Variants in CPB1 observed in about 807,000 individuals in gnomAD.
The protein encoded by CPB1 is carboxypeptidase B1, also known as carboxypeptidase B.
A neutral mutation model predicts 51.4 loss-of-function variants in CPB1; 53 were observed. The observed-to-expected ratio is 1.03, with a 90% CI of 0.83 to 1.30. The LOEUF is 1.30. CPB1 is among the 50% of genes most tolerant of loss of function. The pLI is 0.00. For synonymous variants in CPB1, 189 were observed against 186.9 expected (o/e 1.01, Z -0.09); for missense variants, 494 against 516.2 (o/e 0.96, Z 0.42).
At chr3:148,836,586 T>C (rs1163080261) in intron 3 of CPB1, among the ~76,000 whole-genome samples, 3 of 152,232 alleles carry the variant, frequency 2.0e-5, no homozygotes, top group Admixed American at 1.3e-4. Context: ...CTTTCTTTTT[T>C]AGTGGTGAAC....
intron 8 of CPB1, among the ~76,000 whole-genome samples, 184 bp from the exon 9 acceptor site, chr3:148,845,240 C>T (rs1713199220): frequency 6.6e-6 from 1 of 152,076 alleles, no homozygotes; most frequent in African/African-American, 2.4e-5. Context: ...AGCTTAAAAA[C>T]ATACCATCCT....
At chr3:148,836,398 C>T (rs1448831196) in intron 3 of CPB1, among the ~76,000 whole-genome samples, 1 of 152,064 alleles carries the variant, frequency 6.6e-6, no homozygotes, top group Non-Finnish European at 1.5e-5. Context: ...GTCCTTGGAG[C>T]CTTCAGTAGC....
chr3:148,851,842 G>C (rs920842247), intron 9 of CPB1: 2 of 152,238 alleles, frequency 1.3e-5, no homozygotes, highest in African/African-American at 4.8e-5. Context: ...GGTTGTGTAG[G>C]CACTTGAATG....
At chr3:148,856,372 A>G (rs1291970402) in intron 9 of CPB1, 3 of 152,230 alleles carry the variant, frequency 2.0e-5, no homozygotes, top group East Asian at 1.9e-4. Context: ...CCACGCCCTC[A>G]TCAGTTTGAC....
intron 2 of CPB1, among the ~76,000 whole-genome samples, chr3:148,833,150 C>T (rs1396383407): frequency 2.6e-5 from 4 of 152,192 alleles, no homozygotes; most frequent in Admixed American, 2.0e-4. Context: ...TATACTTCCT[C>T]ACTTCATTTA....
rs747268326 is a variant in CPB1 at position 148,840,926 on chromosome 3, G to T, written c.425G>T (p.Arg142Leu). The change falls in exon 5 of 11, where the codon CGC becomes CTC. Residue 142 changes from arginine (R) to leucine (L), a missense_variant. Coordinates refer to ENST00000282957, the MANE Select transcript of CPB1 (RefSeq NM_001871.3). ...VATENPALIS[R>L]SVIGTTFEGR... is the part of the protein sequence containing the mutation. The stretch of plus-strand genomic sequence containing the variant: ...ACTGAGAATCCAGCCCTCATCTCTC[G>T]CAGTGTTATCGGAACCACATTTGAG... 2 of 1,613,858 alleles carry T rather than the reference G, an allele frequency of 1.2e-6. No individual in the cohort carries two copies. Among genetic ancestry groups the T allele is most frequent in the Admixed American group, 1.7e-5 (1 of 59,982 alleles).
chr3:148,848,962 T>G (rs1425914520), intron 9 of CPB1, among the ~76,000 whole-genome samples: 1 of 152,214 alleles, frequency 6.6e-6, no homozygotes, highest in South Asian at 2.1e-4. Context: ...CAAAGTGCAC[T>G]CTGAGCTTCT....
intron 9 of CPB1, chr3:148,856,360 G>T (rs931085777): frequency 6.6e-6 from 1 of 152,086 alleles, no homozygotes; most frequent in African/African-American, 2.4e-5. Context: ...GAAGTCTTAC[G>T]GCCACGCCCT....
chr3:148,845,616 A>G lies in CPB1; in HGVS notation c.971A>G (p.Asn324Ser). 2 of 1,613,010 alleles carry G rather than the reference A, an allele frequency of 1.2e-6. No homozygotes were observed. Among genetic ancestry groups the G allele is most frequent in the Non-Finnish European group, 1.7e-6 (2 of 1,179,008 alleles). The change falls in exon 9 of 11, where the codon AAT becomes AGT. Residue 324 changes from asparagine (N) to serine (S), a missense_variant. By Grantham distance (46) the Asn-to-Ser change is conservative. Coordinates refer to ENST00000282957, the MANE Select transcript of CPB1 (RefSeq NM_001871.3). ...YSYAYKLGEN[N>S]AELNALAKAT... ...TATGCTTACAAACTCGGTGAGAACA[A>G]TGCTGAGTTGGTAAGTAGCAAAGTA...
intron 9 of CPB1, among the ~76,000 whole-genome samples, chr3:148,847,929 G>A (rs1713304841): frequency 6.6e-6 from 1 of 152,038 alleles, no homozygotes; most frequent in South Asian, 2.1e-4. Context: ...TTTCTCTATT[G>A]ATTAAGCTTT....
At chr3:148,858,190 A>G (rs1713641252) in intron 10 of CPB1, among the ~76,000 whole-genome samples, 1 of 152,198 alleles carries the variant, frequency 6.6e-6, no homozygotes, top group South Asian at 2.1e-4. Flanking sequence ...CCCAAAGACC[A>G]ACCAACCCCA....
rs369943964 is a variant in CPB1, at chr3:148,827,899, G to C, written c.71+5G>C. On this transcript the variant is annotated splice_donor_5th_base_variant and intron_variant, in intron 1 of 10. Coordinates refer to ENST00000282957, the MANE Select transcript of CPB1 (RefSeq NM_001871.3). The stretch of plus-strand genomic sequence containing the variant: ...TGGTGGTGAGCACTTTGAAGGGTAA[G>C]TAAGCCATCTTTAAGGAGCAAGTCC... The C allele has an allele frequency of 9.9e-6, 16 of 1,614,114 alleles. No homozygotes were observed. The highest frequency in any genetic ancestry group is 1.4e-5 in the Non-Finnish European group (16 of 1,179,988).
chr3:148,852,169 CAT>C (rs1559961417), intron 9 of CPB1, among the ~76,000 whole-genome samples: 1 of 152,194 alleles, frequency 6.6e-6, no homozygotes, highest in Non-Finnish European at 1.5e-5. Flanking sequence ...AAGGCATTCT[CAT>C]AGCACCTTTA....
chr3:148,857,593 C>A (rs35811007), intron 10 of CPB1, 52 bp downstream of exon 10: 3 of 1,406,238 alleles, frequency 2.1e-6, no homozygotes, highest in East Asian at 2.3e-5. Flanking sequence ...AAAAAGCCAA[C>A]GAAAGGTTCC....
chr3:148,858,453 TC>T, intron 10 of CPB1, among the ~76,000 whole-genome samples: 5 of 152,066 alleles, frequency 3.3e-5, no homozygotes, highest in Admixed American at 3.3e-4. Flanking sequence ...GCACCTGTAA[TC>T]CCAGCTGCTC....
intron 2 of CPB1, among the ~76,000 whole-genome samples, chr3:148,829,925 C>A (rs1280709242): frequency 1.3e-5 from 2 of 152,150 alleles, no homozygotes; most frequent in Non-Finnish European, 2.9e-5. Flanking sequence ...CTGCCTGGTG[C>A]TTTCTGGTTT....
At chr3:148,847,412 C>T (rs549475813) in intron 9 of CPB1, among the ~76,000 whole-genome samples, 1 of 145,780 alleles carries the variant, frequency 6.9e-6, no homozygotes, top group Non-Finnish European at 1.5e-5. Context: ...GTAAGTCCTG[C>T]CTTTAGAATA....
intron 3 of CPB1, among the ~76,000 whole-genome samples, chr3:148,836,543 T>G (rs1712911322): frequency 6.6e-6 from 1 of 152,190 alleles, no homozygotes; most frequent in Admixed American, 6.5e-5. Flanking sequence ...TGATAGAATT[T>G]CAATCTCTAT....
At chr3:148,835,694 G>T (rs918595505) in intron 3 of CPB1, among the ~76,000 whole-genome samples, 1 of 152,186 alleles carries the variant, frequency 6.6e-6, no homozygotes, top group Non-Finnish European at 1.5e-5. Flanking sequence ...TTGGGCTCCG[G>T]TCCTGAACAT....
Sources: allele counts gnomAD v4.1 joint callset (sites outside exome capture counted in the v4.1 genomes callset), GRCh38; gene constraint gnomAD v4.1.1; transcripts MANE v1.5; gene names NCBI Gene and HGNC (gene_info 2026-07-23, HGNC 2026-07-21).